The following KIT variants were observed in gnomAD, a reference collection of about 807,000 sequenced individuals.
The protein encoded by KIT is mast/stem cell growth factor receptor Kit.
Under a neutral mutation model 105.7 loss-of-function variants are expected in KIT, and 16 were observed. The observed-to-expected ratio is 0.15, with a 90% CI of 0.10 to 0.23. The LOEUF is 0.23. Ranked by LOEUF, KIT falls within the 10% of genes least tolerant of loss-of-function variation. KIT has a pLI of 1.00. For missense variants in KIT, 858 were observed against 1,213.8 expected (o/e 0.71, Z 4.36); for synonymous variants, 438 against 441.1 (o/e 0.99, Z 0.09).
chr4:54,695,414 T>A (rs1223497266), intron 1 of KIT, 98 bp from the exon 2 acceptor site: 1 of 1,261,092 alleles, frequency 7.9e-7, no homozygotes, highest in Non-Finnish European at 1.1e-6. Context: ...CTATTTTTAT[T>A]GTAGAGTACA....
At chr4:54,688,735 A>T (rs1327449840) in intron 1 of KIT, among the ~76,000 whole-genome samples, 1 of 152,002 alleles carries the variant, frequency 6.6e-6, no homozygotes, top group African/African-American at 2.4e-5. Context: ...TTAAAAAAAT[A>T]CTACAGGTAT....
At chr4:54,679,410 A>G (rs1718746096) in intron 1 of KIT, among the ~76,000 whole-genome samples, 1 of 152,206 alleles carries the variant, frequency 6.6e-6, no homozygotes, top group Non-Finnish European at 1.5e-5. Context: ...ATGGCCTCAG[A>G]TAAAACTTGT....
chr4:54,659,874 T>C (rs186782561), intron 1 of KIT, among the ~76,000 whole-genome samples: 6 of 152,208 alleles, frequency 3.9e-5, no homozygotes, highest in African/African-American at 1.2e-4. Context: ...TTTTAAGGTC[T>C]GTCTCCTGGG....
chr4:54,664,460 T>C (rs1454882883), intron 1 of KIT, among the ~76,000 whole-genome samples: 2 of 152,080 alleles, frequency 1.3e-5, no homozygotes, highest in African/African-American at 4.8e-5. Flanking sequence ...CACCATTCTG[T>C]CCAATTAGAC....
At chr4:54,732,094 T>C (rs1374167055) in intron 16 of KIT, 96 bp downstream of exon 16, 3 of 1,334,274 alleles carry the variant, frequency 2.2e-6, no homozygotes, top group Non-Finnish European at 1.0e-6. Context: ...TTTAGAGCCA[T>C]AGTTAAAATG....
chr4:54,661,687 T>C (rs912090868), intron 1 of KIT, among the ~76,000 whole-genome samples: 3 of 152,248 alleles, frequency 2.0e-5, no homozygotes, highest in African/African-American at 4.8e-5. Flanking sequence ...TATGCAAATT[T>C]CATGTGCAGT....
intron 2 of KIT, 112 bp downstream of exon 2, chr4:54,695,893 C>A: frequency 8.0e-7 from 1 of 1,248,944 alleles, no homozygotes; most frequent in Non-Finnish European, 1.1e-6. Flanking sequence ...CTGGCTGGGT[C>A]TAGAAGGCCT....
chr4:54,714,408 G>A (rs890045818), intron 7 of KIT, among the ~76,000 whole-genome samples: 2 of 151,714 alleles, frequency 1.3e-5, no homozygotes, highest in Admixed American at 6.6e-5. Context: ...GGCCAAATAT[G>A]CACTTTAATC....
Position 54,732,045 on chromosome 4 carries a change from ATTTTTTT to A in KIT, c.2361+66_2361+72del, listed in dbSNP as rs71662297. Reference sequence around the variant, plus strand: ...AAGAGTTTTGTGTTTTGTTTTTTTGATTTTTTTTTTTTTTTTTTTTTTTTTGAGAACA... The same window carrying A: ...AAGAGTTTTGTGTTTTGTTTTTTTGATTTTTTTTTTTTTTTTTTGAGAACA... On this transcript the variant is annotated intron_variant, in intron 16 of 20. Transcript: ENST00000288135. The A allele has an allele frequency of 1.9e-3, 1,671 of 888,638 alleles. 12 individuals are homozygous for A. In the African/African-American group the frequency reaches 0.029, roughly 15 times the overall value. 55.0% of individuals were successfully genotyped at this position (888,638 alleles called of 1,614,324 possible).
chr4:54,681,899 G>A (rs1305229248), intron 1 of KIT, among the ~76,000 whole-genome samples: 2 of 151,868 alleles, frequency 1.3e-5, no homozygotes, highest in African/African-American at 4.8e-5. Flanking sequence ...AATTAGCTGG[G>A]CATGGTGGCG....
chr4:54,678,371 TCCCTCCCC>T lies in KIT; in HGVS notation c.68-17139_68-17132del, dbSNP rs1409330313. 1.8e-4 allele frequency among the ~76,000 whole-genome samples: 13 copies of T among 73,906 alleles called. 1 individual carries two copies. The South Asian group carries it at 6.6e-3, about 38-fold the overall frequency. The allele number at this position is 73,906 out of a possible 152,430, so 48.5% of individuals were successfully genotyped here. ...TTCCTTCCCTCCCTCCCTCCCTCCC[TCCCTCCCC>T]CAATCCCTGTGAGGCTGTCTCCCTG... On this transcript the variant is annotated intron_variant, in intron 1 of 20. Coordinates refer to ENST00000288135, the MANE Select transcript of KIT (RefSeq NM_000222.3).
intron 1 of KIT, among the ~76,000 whole-genome samples, chr4:54,692,019 T>A (rs1719746142): frequency 6.6e-6 from 1 of 152,174 alleles, no homozygotes; most frequent in African/African-American, 2.4e-5. Context: ...GGAATAAGTG[T>A]GCCTAACATT....
At chr4:54,663,376 A>T (rs1717435345) in intron 1 of KIT, among the ~76,000 whole-genome samples, 1 of 152,138 alleles carries the variant, frequency 6.6e-6, no homozygotes. Context: ...GGATTAAATG[A>T]GATTCTGCAT....
chr4:54,673,109 G>C (rs1275729115), intron 1 of KIT, among the ~76,000 whole-genome samples: 1 of 152,136 alleles, frequency 6.6e-6, no homozygotes, highest in Non-Finnish European at 1.5e-5. Context: ...CCACTAGTTA[G>C]TTTTATAGTA....
intron 7 of KIT, among the ~76,000 whole-genome samples, chr4:54,714,865 G>T (rs1721371943): frequency 6.6e-6 from 1 of 152,158 alleles, no homozygotes; most frequent in African/African-American, 2.4e-5. Flanking sequence ...CAGACATTGA[G>T]AACTGAAGGG....
In KIT at chr4:54,729,200, T is replaced by C. The variant is rs1302036495; in HGVS notation, c.1991-135T>C. On this transcript the variant is annotated intron_variant, in intron 13 of 20. Coordinates refer to ENST00000288135, the MANE Select transcript of KIT (RefSeq NM_000222.3). ...TGATAAGCAGTGTTAATATATGGGA[T>C]TGTATTGGGACTAAGTAGTCTGATC... 9.2e-6 allele frequency: 8 copies of C among 865,150 alleles called. No individual in the cohort carries two copies. The East Asian group carries it at 2.0e-4, about 22-fold the overall frequency. The allele number at this position is 865,150 out of a possible 1,614,324, so 53.6% of individuals were successfully genotyped here.
At chr4:54,722,865 G>GTATT (rs1553890896) in intron 7 of KIT, among the ~76,000 whole-genome samples, 1 of 100,464 alleles carries the variant, frequency 1.0e-5, no homozygotes, top group African/African-American at 7.1e-5. Context: ...TTATATATAT[G>GTATT]TATATATATT....
intron 1 of KIT, among the ~76,000 whole-genome samples, chr4:54,681,117 A>C (rs1718882014): frequency 6.6e-6 from 1 of 152,208 alleles, no homozygotes; most frequent in East Asian, 1.9e-4. Context: ...TGTTCAAAGA[A>C]GGGACGAGCT....
chr4:54,695,523 C>T lies in KIT; in HGVS notation c.79C>T (p.Pro27Ser), dbSNP rs1553887242. The change falls in exon 2 of 21, where the codon CCA (proline) becomes TCA (serine). Residue 27 changes from proline to serine, a missense_variant. Around this residue, in one of 7 missense-constraint regions of KIT, gnomAD observed 46 missense variants for 38.8 expected, o/e 1.19. Transcript: ENST00000288135. ...GTTTTTCTTGGCAGGCTCTTCTCAA[C>T]CATCTGTGAGTCCAGGGGAACCGTC... ...LLRVQTGSSQ[P>S]SVSPGEPSPP... 1 of 1,614,186 alleles carries T rather than the reference C, an allele frequency of 6.2e-7. No homozygotes were observed. The highest frequency in any genetic ancestry group is 8.5e-7 in the Non-Finnish European group (1 of 1,180,032).
Sources: allele counts gnomAD v4.1 joint callset (sites outside exome capture counted in the v4.1 genomes callset), GRCh38; gene constraint gnomAD v4.1.1; regional missense constraint gnomAD v4.1.1; transcripts MANE v1.5; gene names NCBI Gene and HGNC (gene_info 2026-07-23, HGNC 2026-07-21).